The following PICALM variants were observed in gnomAD, a reference collection of about 807,000 sequenced individuals.
The protein encoded by PICALM is phosphatidylinositol binding clathrin assembly protein.
A neutral mutation model predicts 80.5 loss-of-function variants in PICALM; 40 were observed. The ratio of observed to expected loss-of-function variants is 0.50; its 90% confidence interval spans 0.39 to 0.65. The LOEUF (loss-of-function observed/expected upper bound fraction) is 0.65, where lower values mean the gene tolerates loss of function less well. Among genes scored for constraint, PICALM ranks in the 30% least tolerant of loss-of-function variants. The pLI is 0.00. For missense variants in PICALM, 676 were observed against 778.9 expected, an observed-to-expected ratio of 0.87 and a Z score of 1.57; for synonymous variants, 288 against 260.3, an observed-to-expected ratio of 1.11 and a Z score of -1.02.
intron 1 of PICALM, among the ~76,000 whole-genome samples, chr11:86,061,316 G>A (rs1363770468): frequency 1.7e-5 from 2 of 116,032 alleles, no homozygotes; most frequent in African/African-American, 6.9e-5. Context: ...GGGAGACAGA[G>A]CAAGACTCCA....
chr11:85,980,066 T>G (rs188539746), intron 17 of PICALM, among the ~76,000 whole-genome samples: 8 of 152,324 alleles, frequency 5.3e-5, no homozygotes, highest in Admixed American at 1.3e-4. Context: ...ATTTGCAAAT[T>G]CACCTACATG....
At chr11:85,962,783 CT>C (rs111633801) in intron 19 of PICALM, among the ~76,000 whole-genome samples, 1 of 152,176 alleles carries the variant, frequency 6.6e-6, no homozygotes, top group African/African-American at 2.4e-5. Flanking sequence ...TCATCAATAT[CT>C]GTATCAAGCG....
chr11:86,043,131 A>G (rs1035646634), intron 1 of PICALM, among the ~76,000 whole-genome samples: 5 of 152,218 alleles, frequency 3.3e-5, no homozygotes, highest in African/African-American at 1.2e-4. Flanking sequence ...CACCTTAGTT[A>G]TAAGCACACT....
intron 19 of PICALM, among the ~76,000 whole-genome samples, chr11:85,959,886 C>T (rs1385022840): frequency 6.6e-6 from 1 of 151,932 alleles, no homozygotes; most frequent in Non-Finnish European, 1.5e-5. Context: ...AGGCCAAATA[C>T]TTAACTGCTA....
chr11:85,973,373 C>G (rs1261522206), intron 19 of PICALM, among the ~76,000 whole-genome samples: 1 of 152,060 alleles, frequency 6.6e-6, no homozygotes, highest in Non-Finnish European at 1.5e-5. Context: ...CAAAGTGAAC[C>G]GTGGTCTGAA....
intron 1 of PICALM, among the ~76,000 whole-genome samples, chr11:86,057,744 A>AT (rs1565588745): frequency 2.0e-5 from 3 of 152,210 alleles, no homozygotes; most frequent in Non-Finnish European, 4.4e-5. Context: ...ACAATACAGT[A>AT]TAACAACTGT....
intron 17 of PICALM, among the ~76,000 whole-genome samples, chr11:85,980,492 T>C (rs2094409764): frequency 6.6e-6 from 1 of 152,194 alleles, no homozygotes; most frequent in Admixed American, 6.5e-5. Flanking sequence ...CAGTGTTCAC[T>C]AATTCAGTGT....
intron 1 of PICALM, among the ~76,000 whole-genome samples, chr11:86,044,227 G>C (rs1027634840): frequency 6.6e-5 from 10 of 152,200 alleles, no homozygotes; most frequent in Non-Finnish European, 5.9e-5. Context: ...GTGTTTGAGG[G>C]AGGTTGCTAG....
At chr11:86,044,385 A>C (rs181417064) in intron 1 of PICALM, among the ~76,000 whole-genome samples, 1 of 152,216 alleles carries the variant, frequency 6.6e-6, no homozygotes, top group East Asian at 1.9e-4. Flanking sequence ...CATTCATTCT[A>C]TATCTCACAT....
At chr11:86,028,896 A>G (rs945031776) in intron 2 of PICALM, among the ~76,000 whole-genome samples, 3 of 150,530 alleles carry the variant, frequency 2.0e-5, no homozygotes, top group Admixed American at 6.6e-5. Context: ...TGGCATGCAA[A>G]GGTGTCATCT....
At chr11:85,982,848 T>C (rs1055886772) in intron 14 of PICALM, among the ~76,000 whole-genome samples, 3 of 152,124 alleles carry the variant, frequency 2.0e-5, no homozygotes, top group Non-Finnish European at 2.9e-5. Context: ...AAAATAAAAT[T>C]CTTTAAGTTT....
In PICALM at chr11:86,068,708, T is replaced by C. The variant is rs771800238; in HGVS notation, c.73A>G (p.Thr25Ala). 1 of 1,612,908 alleles carries C rather than the reference T, an allele frequency of 6.2e-7. No homozygotes were observed. Among genetic ancestry groups the C allele is most frequent in the African/African-American group, 1.3e-5 (1 of 74,750 alleles). ...TCGTGGGTCGTGGCCTTGCATACTG[T>C]CTTGGATACGGCAGAGCCGGTGACA... ...HSVTGSAVSK[T>A]VCKATTHEIM... The change falls in exon 1 of 20, where the codon ACA becomes GCA. Residue 25 changes from threonine to alanine, a missense_variant. Physicochemically the swap from Thr to Ala is moderately conservative, Grantham distance 58 (BLOSUM62 0). Coordinates refer to ENST00000393346, the MANE Select transcript of PICALM (RefSeq NM_007166.4).
At chr11:85,962,720 G>C (rs116758881) in intron 19 of PICALM, among the ~76,000 whole-genome samples, 7,780 of 152,166 alleles carry the variant, frequency 0.051, 331 homozygotes, top group African/African-American at 0.12. Context: ...ACTAAAACAT[G>C]ACAGAGACCA....
rs1418227975 is a variant in PICALM, at chr11:85,958,255, T to G, written c.*791A>C. The stretch of plus-strand genomic sequence containing the variant: ...CCTGGCAAAATCCTAGGCACAGAAT[T>G]GACTATAAGGATTAATGCATTTATA... On this transcript the variant is annotated 3_prime_UTR_variant, in exon 20 of 20. Transcript: ENST00000393346. The G allele has an allele frequency of 9.2e-6, 2 of 218,458 alleles. No individual in the cohort carries two copies. Among genetic ancestry groups the G allele is most frequent in the Non-Finnish European group, 1.8e-5 (2 of 108,562 alleles). 13.5% of individuals were successfully genotyped at this position (218,458 alleles called of 1,614,324 possible). A position where few individuals can be genotyped will look rare whatever the true frequency, so the allele number is the denominator to read the frequency against.
At chr11:85,973,060 T>A (rs1258527366) in intron 19 of PICALM, among the ~76,000 whole-genome samples, 2 of 152,170 alleles carry the variant, frequency 1.3e-5, no homozygotes, top group East Asian at 3.9e-4. Context: ...TTACCCTCAC[T>A]CCAAGTTATT....
chr11:86,020,424 G>GA (rs34312370), intron 4 of PICALM, among the ~76,000 whole-genome samples: 34,016 of 93,934 alleles, frequency 0.36, 5,385 homozygotes, highest in African/African-American at 0.43. Flanking sequence ...ACAATCTTGG[G>GA]AAAAAAAAAA....
At chr11:85,983,612 G>A (rs1451778949) in intron 14 of PICALM, among the ~76,000 whole-genome samples, 2 of 152,124 alleles carry the variant, frequency 1.3e-5, no homozygotes, top group Admixed American at 6.6e-5. Flanking sequence ...GCATTCTACA[G>A]AGCTAAATCT....
intron 7 of PICALM, among the ~76,000 whole-genome samples, chr11:86,007,993 A>G (rs2095313637): frequency 6.6e-6 from 1 of 152,190 alleles, no homozygotes; most frequent in East Asian, 1.9e-4. Flanking sequence ...ACCTGAAGAC[A>G]TCGACTTTGT....
At chr11:85,990,848 C>T (rs918411942) in intron 12 of PICALM, among the ~76,000 whole-genome samples, 1 of 151,960 alleles carries the variant, frequency 6.6e-6, no homozygotes, top group African/African-American at 2.4e-5. Context: ...GGCTAAGAAG[C>T]TGTTTTTGGC....
Sources: allele counts gnomAD v4.1 joint callset (sites outside exome capture counted in the v4.1 genomes callset), GRCh38; gene constraint gnomAD v4.1.1; transcripts MANE v1.5; gene names NCBI Gene and HGNC (gene_info 2026-07-23, HGNC 2026-07-21).